Variants in ITCH observed in about 807,000 individuals in gnomAD.
The protein encoded by ITCH is itchy E3 ubiquitin protein ligase, also known as E3 ubiquitin-protein ligase Itchy homolog.
ITCH carries 28 observed loss-of-function variants against 126.8 expected under a neutral mutation model. The observed-to-expected ratio is 0.22, with a 90% CI of 0.16 to 0.30. ITCH has a LOEUF of 0.30. ITCH is among the 10% of genes least tolerant of loss of function. The pLI is 1.00. For missense variants in ITCH, 631 were observed against 1,032.4 expected (o/e 0.61, Z 5.33); for synonymous variants, 342 against 340.0 (o/e 1.01, Z -0.06).
At chr20:34,441,562 T>A (rs981582369) in intron 9 of ITCH, 9 of 150,924 alleles carry the variant, frequency 6.0e-5, no homozygotes, top group Non-Finnish European at 8.8e-5. Context: ...GTAGCTGGGA[T>A]TACAGGTACC....
intron 5 of ITCH, 44 bp from the exon 6 acceptor site, chr20:34,413,698 G>A: frequency 6.3e-7 from 1 of 1,577,846 alleles, no homozygotes; most frequent in Non-Finnish European, 8.6e-7. Flanking sequence ...TGCCTTAACT[G>A]GGAAAAAAGT....
intron 2 of ITCH, among the ~76,000 whole-genome samples, chr20:34,375,695 A>ACTTTTT (rs2037812327): frequency 7.4e-6 from 1 of 135,084 alleles, no homozygotes; most frequent in African/African-American, 2.9e-5. Context: ...TGGTAGTTAA[A>ACTTTTT]ATTTTTTTTT....
At chr20:34,426,770 T>C (rs570814291) in intron 7 of ITCH, among the ~76,000 whole-genome samples, 1 of 149,998 alleles carries the variant, frequency 6.7e-6, no homozygotes, top group East Asian at 2.0e-4. Flanking sequence ...ATGGAAGTTT[T>C]TTGGTTTTTT....
intron 6 of ITCH, among the ~76,000 whole-genome samples, chr20:34,416,285 C>G (rs1979835528): frequency 6.6e-6 from 1 of 152,164 alleles, no homozygotes; most frequent in African/African-American, 2.4e-5. Context: ...GTAATCCCAG[C>G]TACTCGGGAG....
chr20:34,430,802 A>G (rs1452529537), intron 7 of ITCH, among the ~76,000 whole-genome samples: 1 of 152,192 alleles, frequency 6.6e-6, no homozygotes, highest in Admixed American at 6.6e-5. Context: ...AGGAGATTGT[A>G]TGATCAGAAC....
rs1206352282 is a variant in ITCH at position 34,440,171 on chromosome 20, A to C, written c.696A>C (p.Ser232=). 1.2e-6 allele frequency: 2 copies of C among 1,612,518 alleles called. No individual in the cohort carries two copies. The highest frequency in any genetic ancestry group is 2.2e-5 in the South Asian group (2 of 91,040). ...TPRRPASVNG[S]PSATSESDGS... ...CTTTTATAGCATCTGTCAATGGTTCACCATCTGCCACTTCTGAAAGTGATG... is the reference window on the plus strand; with the variant it reads ...CTTTTATAGCATCTGTCAATGGTTCCCCATCTGCCACTTCTGAAAGTGATG... Residue 232 remains serine (S), a synonymous_variant, in exon 9 of 25, where the codon TCA becomes TCC. Transcript: ENST00000374864.
intron 14 of ITCH, among the ~76,000 whole-genome samples, chr20:34,469,243 A>ACACACACT (rs1987391942): frequency 1.3e-5 from 2 of 151,734 alleles, no homozygotes; most frequent in South Asian, 4.2e-4. Context: ...ACACACACAC[A>ACACACACT]CACACACTCA....
chr20:34,430,493 A>G (rs1389048297), intron 7 of ITCH, among the ~76,000 whole-genome samples: 2 of 152,096 alleles, frequency 1.3e-5, no homozygotes, highest in African/African-American at 4.8e-5. Context: ...TTTTGTTTTA[A>G]GACTGAGTTT....
At chr20:34,484,089 A>AAC (rs1988948784) in intron 20 of ITCH, among the ~76,000 whole-genome samples, 1 of 152,190 alleles carries the variant, frequency 6.6e-6, no homozygotes, top group Admixed American at 6.5e-5. Context: ...TCTCTCCCAT[A>AAC]ACACATAGGA....
At chr20:34,474,757 G>A (rs1171241560) in intron 16 of ITCH, among the ~76,000 whole-genome samples, 1 of 146,184 alleles carries the variant, frequency 6.8e-6, no homozygotes, top group Non-Finnish European at 1.5e-5. Flanking sequence ...GAGGCACCCC[G>A]CACCTCCAGG....
chr20:34,480,057 C>G (rs1988592702), intron 18 of ITCH, among the ~76,000 whole-genome samples: 2 of 152,048 alleles, frequency 1.3e-5, no homozygotes, highest in Non-Finnish European at 2.9e-5. Flanking sequence ...CGCCACCATG[C>G]CTGGCTAATT....
chr20:34,379,897 C>T (rs1423007050), intron 2 of ITCH, among the ~76,000 whole-genome samples: 2 of 134,278 alleles, frequency 1.5e-5, no homozygotes, highest in Admixed American at 7.4e-5. Context: ...GCACCCGGCC[C>T]CCCCCCCCCT....
At chr20:34,396,482 G>A (rs78581431) in intron 3 of ITCH, among the ~76,000 whole-genome samples, 3 of 151,998 alleles carry the variant, frequency 2.0e-5, no homozygotes, top group East Asian at 1.9e-4. Context: ...GTGTGTGTGC[G>A]CGCGTGCATA....
At chr20:34,376,961 C>T (rs2037869651) in intron 2 of ITCH, among the ~76,000 whole-genome samples, 2 of 152,164 alleles carry the variant, frequency 1.3e-5, no homozygotes, top group Non-Finnish European at 1.5e-5. Flanking sequence ...TGTGTACAGG[C>T]TATATTCCTC....
rs148673052 is a variant in ITCH, at chr20:34,438,835, C to T, written c.679+204C>T. Among the ~76,000 whole-genome samples the T allele has an allele frequency of 2.6e-3, 401 of 152,232 alleles. 3 individuals carry two copies. The highest frequency in any genetic ancestry group is 0.021 in the South Asian group (103 of 4,824). On this transcript the variant is annotated intron_variant, in intron 8 of 24. Coordinates refer to ENST00000374864, the MANE Select transcript of ITCH (RefSeq NM_031483.7). ...TCAAGGTGACGTTACTGAGGCAGTG[C>T]TCTACTGAGAATGAAAATGACATGT...
intron 6 of ITCH, among the ~76,000 whole-genome samples, chr20:34,415,220 T>C (rs190088546): frequency 2.0e-5 from 3 of 152,280 alleles, no homozygotes; most frequent in Non-Finnish European, 4.4e-5. Context: ...TTTTCTACTT[T>C]GTTGAAAGAC....
intron 2 of ITCH, among the ~76,000 whole-genome samples, chr20:34,381,575 C>T (rs553775157): frequency 1.6e-4 from 24 of 152,130 alleles, no homozygotes; most frequent in Non-Finnish European, 3.1e-4. Flanking sequence ...TACAGGCGCA[C>T]GCCACCATGC....
chr20:34,374,254 T>G (rs2037751723), intron 2 of ITCH, among the ~76,000 whole-genome samples: 1 of 152,166 alleles, frequency 6.6e-6, no homozygotes, highest in South Asian at 2.1e-4. Flanking sequence ...ATAATCAAAT[T>G]TAGTTGGTCA....
intron 7 of ITCH, among the ~76,000 whole-genome samples, chr20:34,432,176 G>C (rs1032879374): frequency 6.6e-6 from 1 of 151,872 alleles, no homozygotes; most frequent in Non-Finnish European, 1.5e-5. Flanking sequence ...TCAGGTTAAC[G>C]CCTTAGCTTA....
Sources: gnomAD v4.1 joint callset for allele counts (sites outside exome capture counted in the v4.1 genomes callset) on GRCh38, gnomAD v4.1.1 for gene constraint, MANE v1.5 for transcripts, NCBI Gene and HGNC (gene_info 2026-07-23, HGNC 2026-07-21) for gene names.